Variants in NARS2 observed in about 807,000 individuals in gnomAD.
The protein encoded by NARS2 is asparaginyl-tRNA synthetase.
NARS2 carries 60 observed loss-of-function variants against 62.9 expected under a neutral mutation model. That is an observed-to-expected ratio of 0.95 (90% CI 0.77 to 1.18). The LOEUF is 1.18. Among genes scored for constraint, NARS2 ranks in the 50% most tolerant of loss-of-function variants. The pLI, the probability that NARS2 is intolerant of heterozygous loss-of-function variation, is 0.00. For missense variants in NARS2, 619 were observed against 576.4 expected, an observed-to-expected ratio of 1.07 and a Z score of -0.76; for synonymous variants, 196 against 200.0, an observed-to-expected ratio of 0.98 and a Z score of 0.17.
intron 7 of NARS2, among the ~76,000 whole-genome samples, chr11:78,486,462 AT>A (rs1213989276): frequency 6.6e-6 from 1 of 152,222 alleles, no homozygotes; most frequent in East Asian, 1.9e-4. Context: ...TGAACTACAA[AT>A]CACTGTGCAA....
In NARS2 at chr11:78,477,347, C is replaced by T. The variant is rs1859144909; in HGVS notation, c.959+1091G>A. ...CTTAACATGTCTGTGTTCCCGATAC[C>T]ACCCCTTCCTCTCAAAGCTCCTGCC... On this transcript the variant is annotated intron_variant, in intron 9 of 13. Transcript: ENST00000281038. Among the ~76,000 whole-genome samples the T allele has an allele frequency of 2.6e-5, 4 of 152,116 alleles. No individual in the cohort carries two copies. The South Asian group carries it at 8.3e-4, about 31-fold the overall frequency.
At chr11:78,454,064 A>G (rs183161398) in intron 11 of NARS2, among the ~76,000 whole-genome samples, 1 of 152,258 alleles carries the variant, frequency 6.6e-6, no homozygotes, top group African/African-American at 2.4e-5. Flanking sequence ...CAAGTGAACC[A>G]GAAGAAAACA....
intron 9 of NARS2, among the ~76,000 whole-genome samples, chr11:78,472,368 T>C (rs1159525470): frequency 6.6e-6 from 1 of 152,232 alleles, no homozygotes; most frequent in Non-Finnish European, 1.5e-5. Flanking sequence ...GAAAATTCAT[T>C]ATTCTGAAGC....
rs1040318074 is a variant in NARS2 at position 78,574,601 on chromosome 11, T to C, written c.-113A>G. 3 of 1,236,890 alleles carry C rather than the reference T, an allele frequency of 2.4e-6. No homozygotes were observed. Among genetic ancestry groups the C allele is most frequent in the Non-Finnish European group, 3.3e-6 (3 of 913,402 alleles). The allele number at this position is 1,236,890 out of a possible 1,614,324, so 76.6% of individuals were successfully genotyped here. ...CCCTTCCGCGGCCGCAGCTCTGCTC[T>C]AAGGCACTCCAGAGCCCCTCGGCTG... On this transcript the variant is annotated 5_prime_UTR_variant, in exon 1 of 14. Coordinates refer to ENST00000281038, the MANE Select transcript of NARS2 (RefSeq NM_024678.6).
intron 13 of NARS2, among the ~76,000 whole-genome samples, chr11:78,440,780 G>T (rs1591117453): frequency 6.6e-6 from 1 of 151,198 alleles, no homozygotes; most frequent in Admixed American, 6.6e-5. Flanking sequence ...TGATCCACCT[G>T]CCTTGGCCTC....
intron 6 of NARS2, among the ~76,000 whole-genome samples, chr11:78,517,545 C>A (rs1179148511): frequency 6.6e-6 from 1 of 152,140 alleles, no homozygotes; most frequent in Admixed American, 6.5e-5. Context: ...TATGTTCAAC[C>A]ATTTTTTCCA....
intron 11 of NARS2, among the ~76,000 whole-genome samples, chr11:78,465,470 G>C (rs1858582486): frequency 2.6e-5 from 4 of 152,246 alleles, no homozygotes. Flanking sequence ...ACCTCTCAGT[G>C]CCACTGCTCT....
chr11:78,504,908 T>TAA (rs1448025231), intron 6 of NARS2, among the ~76,000 whole-genome samples: 2 of 152,138 alleles, frequency 1.3e-5, no homozygotes, highest in Non-Finnish European at 2.9e-5. Context: ...TTTCACTCTT[T>TAA]AAAGTGTCCT....
At chr11:78,489,698 GAAGACTATA>G (rs1359031806) in intron 7 of NARS2, among the ~76,000 whole-genome samples, 1 of 152,042 alleles carries the variant, frequency 6.6e-6, no homozygotes, top group East Asian at 1.9e-4. Flanking sequence ...TCTGTATAAT[GAAGACTATA>G]AAACATCACA....
chr11:78,569,581 T>A (rs2135542736), intron 2 of NARS2, among the ~76,000 whole-genome samples: 1 of 152,304 alleles, frequency 6.6e-6, no homozygotes, highest in East Asian at 1.9e-4. Context: ...AGTCAGGAGA[T>A]TCTCCATCCA....
chr11:78,528,061 T>C (rs931654368), intron 6 of NARS2, among the ~76,000 whole-genome samples: 4 of 152,068 alleles, frequency 2.6e-5, no homozygotes, highest in Admixed American at 6.6e-5. Flanking sequence ...CCTTGGTACA[T>C]AGCAAGACCC....
chr11:78,498,201 A>C (rs887220695), intron 6 of NARS2, among the ~76,000 whole-genome samples: 1 of 152,218 alleles, frequency 6.6e-6, no homozygotes, highest in Non-Finnish European at 1.5e-5. Flanking sequence ...GGTGGAAAGG[A>C]CCAGAACATG....
At chr11:78,437,974 CA>C (rs11380903) in intron 13 of NARS2, among the ~76,000 whole-genome samples, 13 of 116,628 alleles carry the variant, frequency 1.1e-4, no homozygotes, top group Middle Eastern at 4.3e-3. Context: ...GATTCTGTAT[CA>C]AAAAAAAAAA....
At chr11:78,500,876 T>A (rs1860255528) in intron 6 of NARS2, among the ~76,000 whole-genome samples, 1 of 152,110 alleles carries the variant, frequency 6.6e-6, no homozygotes, top group Non-Finnish European at 1.5e-5. Context: ...GTGGATCTTT[T>A]GAGGGCAGGA....
At chr11:78,522,087 G>C (rs1484354723) in intron 6 of NARS2, among the ~76,000 whole-genome samples, 2 of 151,242 alleles carry the variant, frequency 1.3e-5, no homozygotes, top group Admixed American at 1.3e-4. Context: ...CAAGTAGTTT[G>C]GAATACTGGT....
chr11:78,495,630 T>C (rs1860025627), intron 6 of NARS2, among the ~76,000 whole-genome samples: 1 of 152,206 alleles, frequency 6.6e-6, no homozygotes, highest in African/African-American at 2.4e-5. Flanking sequence ...GATGACAGGC[T>C]TCCTCAGTTG....
chr11:78,521,108 G>T (rs1041226653), intron 6 of NARS2, among the ~76,000 whole-genome samples: 1 of 149,172 alleles, frequency 6.7e-6, no homozygotes, highest in East Asian at 1.9e-4. Context: ...AGAGGAAAAT[G>T]CAAAAGTAAG....
intron 11 of NARS2, among the ~76,000 whole-genome samples, chr11:78,455,304 A>T (rs1037982830): frequency 2.6e-5 from 4 of 152,228 alleles, no homozygotes; most frequent in African/African-American, 9.7e-5. Flanking sequence ...TTTAATTTTT[A>T]AAGCAATTTT....
At chr11:78,496,896 A>T (rs1366277510) in intron 6 of NARS2, among the ~76,000 whole-genome samples, 1 of 152,068 alleles carries the variant, frequency 6.6e-6, no homozygotes, top group African/African-American at 2.4e-5. Context: ...CTTCTATTTT[A>T]ATTTATGTTT....
Sources: gnomAD v4.1 joint callset for allele counts (sites outside exome capture counted in the v4.1 genomes callset) on GRCh38, gnomAD v4.1.1 for gene constraint, MANE v1.5 for transcripts, NCBI Gene and HGNC (gene_info 2026-07-23, HGNC 2026-07-21) for gene names.